Variants in TP63 observed in about 807,000 individuals in gnomAD.
The protein encoded by TP63 is tumor protein p63.
A neutral mutation model predicts 82.8 loss-of-function variants in TP63; 17 were observed. That is an observed-to-expected ratio of 0.21 (90% CI 0.14 to 0.31). The LOEUF is 0.31. TP63 is among the 10% of genes least tolerant of loss of function. TP63 has a pLI of 1.00. For missense variants in TP63, 648 were observed against 895.3 expected, an observed-to-expected ratio of 0.72 and a Z score of 3.52; for synonymous variants, 330 against 321.7, an observed-to-expected ratio of 1.03 and a Z score of -0.28.
chr3:189,877,115 T>C (rs1719320930), intron 10 of TP63, among the ~76,000 whole-genome samples: 1 of 152,218 alleles, frequency 6.6e-6, no homozygotes, highest in African/African-American at 2.4e-5. Context: ...TTCATGATCA[T>C]AGGCTTTATC....
intron 1 of TP63, among the ~76,000 whole-genome samples, chr3:189,697,232 A>AATTTTTTTTTT (rs146092678): frequency 4.5e-5 from 1 of 22,406 alleles, no homozygotes; most frequent in Non-Finnish European, 1.4e-4. Flanking sequence ...GTCTAGGTTC[A>AATTTTTTTTTT]GTTTTTTTTT....
Position 189,808,137 on chromosome 3 carries a change from G to C in TP63, c.325-135G>C, listed in dbSNP as rs1180287415. 6.2e-6 allele frequency: 9 copies of C among 1,461,382 alleles called. No homozygotes were observed. In the South Asian group the frequency reaches 1.1e-4, roughly 17 times the overall value. The allele number at this position is 1,461,382 out of a possible 1,614,324, so 90.5% of individuals were successfully genotyped here. ...TTTCTCTGTTTACCAAAAATCAACG[G>C]TTTTACTTTGAATGTGAAGTGCTTC... On this transcript the variant is annotated intron_variant, in intron 3 of 13. Transcript: ENST00000264731.
chr3:189,735,007 A>C (rs1720473421), intron 1 of TP63, among the ~76,000 whole-genome samples: 1 of 152,098 alleles, frequency 6.6e-6, no homozygotes, highest in South Asian at 2.1e-4. Flanking sequence ...AAACACTAAA[A>C]TATTTTGAGG....
chr3:189,655,404 C>T (rs1051831226), intron 1 of TP63, among the ~76,000 whole-genome samples: 9 of 152,140 alleles, frequency 5.9e-5, no homozygotes, highest in Non-Finnish European at 1.2e-4. Context: ...GCGGGTGCAT[C>T]ACCTGAGGTC....
At chr3:189,691,837 T>G (rs897259708) in intron 1 of TP63, among the ~76,000 whole-genome samples, 1 of 152,136 alleles carries the variant, frequency 6.6e-6, no homozygotes, top group African/African-American at 2.4e-5. Flanking sequence ...ATAGGCCAGT[T>G]AAAAAAACTA....
chr3:189,714,940 A>C (rs1160136981), intron 1 of TP63, among the ~76,000 whole-genome samples: 2 of 152,162 alleles, frequency 1.3e-5, no homozygotes, highest in Non-Finnish European at 2.9e-5. Flanking sequence ...ACGTTCAGCA[A>C]ACTGTTTTAT....
intron 1 of TP63, among the ~76,000 whole-genome samples, chr3:189,700,505 A>C (rs533222018): frequency 1.3e-5 from 2 of 152,332 alleles, no homozygotes; most frequent in East Asian, 3.9e-4. Context: ...AAGGGAAATA[A>C]AGTACATGGT....
At chr3:189,842,747 G>GT (rs1714315722) in intron 4 of TP63, among the ~76,000 whole-genome samples, 1 of 152,144 alleles carries the variant, frequency 6.6e-6, no homozygotes, top group South Asian at 2.1e-4. Context: ...CACCTCTAAC[G>GT]TATCAGTGTC....
chr3:189,597,693 G>A, the TP63 span, among the ~76,000 whole-genome samples: 2 of 152,154 alleles, frequency 1.3e-5, no homozygotes, highest in African/African-American at 4.8e-5. Context: ...GCGAGGCCAG[G>A]CTGGGTGAAT....
At chr3:189,697,398 A>T (rs1717468844) in intron 1 of TP63, among the ~76,000 whole-genome samples, 1 of 151,888 alleles carries the variant, frequency 6.6e-6, no homozygotes. Context: ...ATTCTGTTTC[A>T]TTGATCTATA....
chr3:189,636,653 T>C (rs1729800915), intron 1 of TP63, among the ~76,000 whole-genome samples: 1 of 152,150 alleles, frequency 6.6e-6, no homozygotes, highest in Non-Finnish European at 1.5e-5. Context: ...ACCCACAAGA[T>C]TTCTAATATT....
intron 4 of TP63, among the ~76,000 whole-genome samples, chr3:189,828,737 G>T (rs1271512423): frequency 1.3e-5 from 2 of 152,164 alleles, no homozygotes; most frequent in African/African-American, 4.8e-5. Flanking sequence ...GCTGCTTTGA[G>T]CTTCAGTTTT....
At position 189,677,398 on chromosome 3, in the gene TP63, G is replaced by GTATA. The variant is rs143386699; in HGVS notation, c.62+45828_62+45831dup. The stretch of plus-strand genomic sequence containing the variant: ...TAAATAATTATATATAAATATGTGT[G>GTATA]TATATATATACATATATACACGTAT... On this transcript the variant is annotated intron_variant, in intron 1 of 13. Transcript: ENST00000264731. Among the ~76,000 whole-genome samples the GTATA allele has an allele frequency of 1.4e-3, 155 of 110,830 alleles. 2 individuals are homozygous for GTATA. The highest frequency in any genetic ancestry group is 2.7e-3 in the Non-Finnish European group (130 of 47,954). The allele number at this position is 110,830 out of a possible 152,430, so 72.7% of individuals were successfully genotyped here.
chr3:189,720,835 C>T (rs148586992), intron 1 of TP63, among the ~76,000 whole-genome samples: 1 of 152,128 alleles, frequency 6.6e-6, no homozygotes, highest in Non-Finnish European at 1.5e-5. Flanking sequence ...TCCAGCATCT[C>T]CTAACAGACT....
intron 4 of TP63, among the ~76,000 whole-genome samples, chr3:189,863,820 A>G (rs1178582413): frequency 2.0e-5 from 3 of 152,216 alleles, no homozygotes; most frequent in Non-Finnish European, 2.9e-5. Flanking sequence ...ATTGTAATCT[A>G]GGCAGAAATC....
At chr3:189,770,973 T>G (rs1723295243) in intron 3 of TP63, among the ~76,000 whole-genome samples, 1 of 152,114 alleles carries the variant, frequency 6.6e-6, no homozygotes, top group Non-Finnish European at 1.5e-5. Context: ...TTCACATCTT[T>G]TATTACCCTT....
chr3:189,869,543 T>C (rs1300565511), intron 9 of TP63, 137 bp downstream of exon 9: 1 of 730,922 alleles, frequency 1.4e-6, no homozygotes, highest in African/African-American at 1.8e-5. Flanking sequence ...TACAACAAAC[T>C]ACCGTAGACT....
At chr3:189,654,661 C>T (rs1174292413) in intron 1 of TP63, among the ~76,000 whole-genome samples, 3 of 151,958 alleles carry the variant, frequency 2.0e-5, no homozygotes, top group Non-Finnish European at 4.4e-5. Context: ...TATTTAAAAA[C>T]CCTAAAAAAT....
In TP63 at chr3:189,697,287, G is replaced by GA. The variant is rs1173021196; in HGVS notation, c.63-40445dup. Among the ~76,000 whole-genome samples the GA allele has an allele frequency of 2.4e-4, 23 of 94,042 alleles. 1 individual carries two copies. Among genetic ancestry groups the GA allele is most frequent in the Admixed American group, 7.5e-4 (6 of 7,958 alleles). 61.7% of individuals were successfully genotyped at this position (94,042 alleles called of 152,430 possible). ...TCGATTGTTTCAGCACCATTTGTTT[G>GA]AAAAAAAAGTCTATTATTTCTCCAT... On this transcript the variant is annotated intron_variant, in intron 1 of 13. Transcript: ENST00000264731.
Sources: allele counts gnomAD v4.1 joint callset (sites outside exome capture counted in the v4.1 genomes callset), GRCh38; gene constraint gnomAD v4.1.1; transcripts MANE v1.5; gene names NCBI Gene and HGNC (gene_info 2026-07-23, HGNC 2026-07-21).